The following NRXN1 variants were observed in gnomAD, a reference collection of about 807,000 sequenced individuals.
The protein encoded by NRXN1 is neurexin-1.
Under a neutral mutation model 150.9 loss-of-function variants are expected in NRXN1, and 39 were observed. The observed-to-expected ratio is 0.26, with a 90% confidence interval of 0.20 to 0.34. The LOEUF (loss-of-function observed/expected upper bound fraction) is 0.34, where lower values mean the gene tolerates loss of function less well. Ranked by LOEUF, NRXN1 falls within the 10% of genes least tolerant of loss-of-function variation. The pLI, the probability that NRXN1 is intolerant of heterozygous loss-of-function variation, is 1.00. For missense variants in NRXN1, 1,815 were observed against 1,949.9 expected (o/e 0.93, Z 1.30); for synonymous variants, 924 against 757.0 (o/e 1.22, Z -3.62).
intron 18 of NRXN1, among the ~76,000 whole-genome samples, chr2:50,182,718 T>C (rs770086557): frequency 6.6e-6 from 1 of 152,030 alleles, no homozygotes; most frequent in African/African-American, 2.4e-5. Context: ...TACAGGGAGA[T>C]ACAATAAAAA....
chr2:50,148,147 G>T (rs962470129), intron 18 of NRXN1, among the ~76,000 whole-genome samples: 2 of 151,594 alleles, frequency 1.3e-5, no homozygotes, highest in African/African-American at 4.8e-5. Flanking sequence ...TGATGATCTG[G>T]TATCTGTGAG....
At chr2:49,927,418 G>C (rs948004067) in intron 22 of NRXN1, among the ~76,000 whole-genome samples, 1 of 152,154 alleles carries the variant, frequency 6.6e-6, no homozygotes, top group African/African-American at 2.4e-5. Flanking sequence ...TGCATTGTTT[G>C]ATTATATCTA....
At chr2:50,259,122 C>A (rs545357725) in intron 17 of NRXN1, among the ~76,000 whole-genome samples, 1 of 152,052 alleles carries the variant, frequency 6.6e-6, no homozygotes, top group Non-Finnish European at 1.5e-5. Flanking sequence ...GTCAGCCTGT[C>A]TTTTGCACCT....
At chr2:49,985,837 T>G (rs1277423929) in intron 21 of NRXN1, among the ~76,000 whole-genome samples, 1 of 152,216 alleles carries the variant, frequency 6.6e-6, no homozygotes, top group Non-Finnish European at 1.5e-5. Flanking sequence ...AAAAAAATAT[T>G]CACTCACTTT....
At chr2:50,791,153 C>G (rs1705901730) in intron 5 of NRXN1, among the ~76,000 whole-genome samples, 1 of 143,638 alleles carries the variant, frequency 7.0e-6, no homozygotes, top group Non-Finnish European at 1.5e-5. Flanking sequence ...AAAAGACTGT[C>G]AAAAGTAACA....
At chr2:50,230,661 T>A (rs1359664771) in intron 18 of NRXN1, among the ~76,000 whole-genome samples, 1 of 151,978 alleles carries the variant, frequency 6.6e-6, no homozygotes, top group East Asian at 1.9e-4. Flanking sequence ...TTCACAGCAA[T>A]AGAATTTCAG....
chr2:50,088,837 C>G (rs745805513), intron 19 of NRXN1, among the ~76,000 whole-genome samples: 1 of 152,236 alleles, frequency 6.6e-6, no homozygotes, highest in African/African-American at 2.4e-5. Context: ...TACAAGAACA[C>G]AGGAACCATA....
At chr2:50,763,571 T>G (rs935052589) in intron 5 of NRXN1, among the ~76,000 whole-genome samples, 1 of 151,946 alleles carries the variant, frequency 6.6e-6, no homozygotes, top group Non-Finnish European at 1.5e-5. Flanking sequence ...ATTAATTAGC[T>G]GAGAGCTTTT....
intron 2 of NRXN1, among the ~76,000 whole-genome samples, chr2:50,947,092 T>C (rs188273826): frequency 9.2e-5 from 14 of 152,252 alleles, no homozygotes; most frequent in African/African-American, 3.1e-4. Flanking sequence ...TTTCTTTCAT[T>C]TGCAACCAGA....
chr2:49,940,893 G>A (rs1002748739), intron 22 of NRXN1, among the ~76,000 whole-genome samples: 5 of 152,168 alleles, frequency 3.3e-5, no homozygotes, highest in Admixed American at 2.6e-4. Context: ...AAAATAATCT[G>A]AAGTTCTTGT....
At chr2:50,142,314 G>A (rs140515719) in intron 18 of NRXN1, among the ~76,000 whole-genome samples, 46 of 151,968 alleles carry the variant, frequency 3.0e-4, no homozygotes, top group Middle Eastern at 3.4e-3. Context: ...GGGTGTTCAT[G>A]TGTAGAAAGG....
Position 50,170,164 on chromosome 2 carries a change from CAT to C in NRXN1, c.3546+66623_3546+66624del, listed in dbSNP as rs1055793618. ...TATCACACACACACACACACACACA[CAT>C]ATGTACACTCAAACTGGTTGAGCAC... On this transcript the variant is annotated intron_variant, in intron 18 of 22. Coordinates refer to ENST00000401669, the MANE Select transcript of NRXN1 (RefSeq NM_001330078.2). Among the ~76,000 whole-genome samples the C allele has an allele frequency of 1.2e-3, 184 of 151,776 alleles. 2 individuals carry two copies. The highest frequency in any genetic ancestry group is 4.1e-3 in the African/African-American group (171 of 41,318).
chr2:50,708,590 G>A (rs1473836042), intron 5 of NRXN1, among the ~76,000 whole-genome samples: 1 of 151,986 alleles, frequency 6.6e-6, no homozygotes, highest in Non-Finnish European at 1.5e-5. Flanking sequence ...CAACAGGCAG[G>A]GTACCTAAGT....
intron 21 of NRXN1, among the ~76,000 whole-genome samples, chr2:50,032,801 G>A (rs1895130): frequency 0.71 from 107,995 of 151,616 alleles, 38,754 homozygotes; most frequent in Middle Eastern, 0.79. Context: ...TCTGCAAGCC[G>A]GTAAGAGAGC....
At chr2:50,700,044 T>C (rs1325651124) in intron 5 of NRXN1, among the ~76,000 whole-genome samples, 1 of 152,204 alleles carries the variant, frequency 6.6e-6, no homozygotes, top group Non-Finnish European at 1.5e-5. Context: ...GTAGAAGAAC[T>C]AATAGTCTTT....
chr2:50,084,523 C>A (rs1016022380), intron 19 of NRXN1, among the ~76,000 whole-genome samples: 2 of 152,200 alleles, frequency 1.3e-5, no homozygotes, highest in Non-Finnish European at 2.9e-5. Flanking sequence ...ACCAAGCCCA[C>A]GCTCACCAGG....
intron 2 of NRXN1, among the ~76,000 whole-genome samples, chr2:50,971,365 A>C (rs948651152): frequency 6.6e-6 from 1 of 152,012 alleles, no homozygotes; most frequent in Non-Finnish European, 1.5e-5. Context: ...TGGGCGGATC[A>C]CAAGGTCAGG....
chr2:51,028,149 C>A lies in NRXN1; in HGVS notation c.125G>T (p.Arg42Leu). ...GCAGCAGGCGTTCCACTTGGGGAAGCGCGTCCATTGGCCCTCGGCGCCCGG... is the reference window on the plus strand; with the variant it reads ...GCAGCAGGCGTTCCACTTGGGGAAGAGCGTCCATTGGCCCTCGGCGCCCGG... ...EFPGAEGQWT[R>L]FPKWNACCES... Residue 42 changes from arginine to leucine, a missense_variant, in exon 2 of 23, where the codon CGC becomes CTC. Physicochemically the swap from Arg to Leu is moderately radical, Grantham distance 102. Transcript: ENST00000401669. 1 of 1,545,240 alleles carries A rather than the reference C, an allele frequency of 6.5e-7. No individual in the cohort carries two copies. Among genetic ancestry groups the A allele is most frequent in the Admixed American group, 1.8e-5 (1 of 54,324 alleles).
At chr2:50,983,259 T>C (rs1361016746) in intron 2 of NRXN1, among the ~76,000 whole-genome samples, 1 of 152,090 alleles carries the variant, frequency 6.6e-6, no homozygotes, top group African/African-American at 2.4e-5. Flanking sequence ...GATGGAAAGA[T>C]ACTCTTTGCA....
Sources: allele counts gnomAD v4.1 joint callset (sites outside exome capture counted in the v4.1 genomes callset), GRCh38; gene constraint gnomAD v4.1.1; transcripts MANE v1.5; gene names NCBI Gene and HGNC (gene_info 2026-07-23, HGNC 2026-07-21).